The following ARFIP1 variants were observed in gnomAD, a reference collection of about 807,000 sequenced individuals.
ARFIP1 encodes arfaptin-1.
A neutral mutation model predicts 42.5 loss-of-function variants in ARFIP1; 24 were observed. The ratio of observed to expected loss-of-function variants is 0.57; its 90% CI spans 0.41 to 0.80. The LOEUF is 0.80. ARFIP1 is among the 30% of genes least tolerant of loss of function. The pLI, the probability that ARFIP1 is intolerant of heterozygous loss-of-function variation, is 0.00. For synonymous variants in ARFIP1, 141 were observed against 153.7 expected, an observed-to-expected ratio of 0.92 and a Z score of 0.61; for missense variants, 354 against 434.0, an observed-to-expected ratio of 0.82 and a Z score of 1.64.
intron 1 of ARFIP1, among the ~76,000 whole-genome samples, chr4:152,792,811 A>G (rs960638880): frequency 6.6e-6 from 1 of 152,206 alleles, no homozygotes; most frequent in Non-Finnish European, 1.5e-5. Flanking sequence ...CAGTATGTAT[A>G]TATAAAAATG....
At chr4:152,806,785 T>G (rs1729022053) in intron 1 of ARFIP1, among the ~76,000 whole-genome samples, 3 of 95,086 alleles carry the variant, frequency 3.2e-5, no homozygotes, top group South Asian at 4.2e-4. Flanking sequence ...TAGTATGTAT[T>G]CTTTTTGTGC....
intron 8 of ARFIP1, among the ~76,000 whole-genome samples, chr4:152,900,792 A>G (rs1737761654): frequency 6.6e-6 from 1 of 152,228 alleles, no homozygotes; most frequent in Non-Finnish European, 1.5e-5. Flanking sequence ...GATACCTTAC[A>G]TGTTAGCGGT....
At chr4:152,795,593 G>T (rs1372985125) in intron 1 of ARFIP1, among the ~76,000 whole-genome samples, 1 of 152,050 alleles carries the variant, frequency 6.6e-6, no homozygotes, top group Non-Finnish European at 1.5e-5. Context: ...ATGTCATTTT[G>T]TTACACATTA....
chr4:152,787,538 A>G (rs1730881456), intron 1 of ARFIP1, among the ~76,000 whole-genome samples: 1 of 152,262 alleles, frequency 6.6e-6, no homozygotes, highest in South Asian at 2.1e-4. Flanking sequence ...GTGTATGTGT[A>G]AGAAATGATT....
intron 1 of ARFIP1, among the ~76,000 whole-genome samples, chr4:152,788,007 C>T (rs181040954): frequency 1.3e-5 from 2 of 152,186 alleles, no homozygotes; most frequent in Non-Finnish European, 2.9e-5. Context: ...GGGTGGATCA[C>T]TTGAGGTTGG....
rs185168118 is a variant in ARFIP1, at chr4:152,902,054, A to T, written c.967-8010A>T. On this transcript the variant is annotated intron_variant, in intron 8 of 8. Coordinates refer to ENST00000353617, the MANE Select transcript of ARFIP1 (RefSeq NM_001025595.3). ...GTCTATTGCCCATGAATAGAAGCAG[A>T]TTAAAATAGGTGAAAGGACATACTT... 4.6e-5 allele frequency among the ~76,000 whole-genome samples: 7 copies of T among 152,378 alleles called. No homozygotes were observed. The East Asian group carries it at 1.3e-3, about 29-fold the overall frequency.
intron 1 of ARFIP1, among the ~76,000 whole-genome samples, chr4:152,811,897 G>T (rs373878926): frequency 1.5e-5 from 1 of 67,474 alleles, no homozygotes; most frequent in Non-Finnish European, 4.3e-5. Context: ...TATAATTAAT[G>T]GTTAGTAAAT....
At chr4:152,787,961 C>CA (rs1232057265) in intron 1 of ARFIP1, among the ~76,000 whole-genome samples, 1 of 152,264 alleles carries the variant, frequency 6.6e-6, no homozygotes, top group African/African-American at 2.4e-5. Context: ...CACAGTGGCT[C>CA]ACGCCTGTAA....
chr4:152,867,605 A>G (rs577855815), intron 3 of ARFIP1, among the ~76,000 whole-genome samples: 1 of 152,240 alleles, frequency 6.6e-6, no homozygotes, highest in East Asian at 1.9e-4. Context: ...TTTTAATGAA[A>G]TTATTTAGCT....
intron 7 of ARFIP1, among the ~76,000 whole-genome samples, chr4:152,884,733 T>C (rs945947244): frequency 2.0e-5 from 3 of 152,074 alleles, no homozygotes; most frequent in Non-Finnish European, 2.9e-5. Flanking sequence ...TGCTCACTTG[T>C]AGTCAATTTC....
chr4:152,795,820 A>ATTTTTTTTTTTTTTTTTTTTTTTT lies in ARFIP1; in HGVS notation c.-10+15603_-10+15626dup, dbSNP rs56845391. Among the ~76,000 whole-genome samples the ATTTTTTTTTTTTTTTTTTTTTTTT allele has an allele frequency of 5.3e-4, 15 of 28,066 alleles. 1 individual carries two copies. Among genetic ancestry groups the ATTTTTTTTTTTTTTTTTTTTTTTT allele is most frequent in the Non-Finnish European group, 6.8e-4 (11 of 16,220 alleles). 18.4% of individuals were successfully genotyped at this position (28,066 alleles called of 152,430 possible). A position where few individuals can be genotyped will look rare whatever the true frequency, so the allele number is the denominator to read the frequency against. On this transcript the variant is annotated intron_variant, in intron 1 of 8. Transcript: ENST00000353617. ...CGATTGTTACTTGAGGGCCCTTGTA[A>ATTTTTTTTTTTTTTTTTTTTTTTT]TTTTTTTTTTTTTTTTTTTTTTTTT...
At chr4:152,901,787 A>G (rs776684171) in intron 8 of ARFIP1, among the ~76,000 whole-genome samples, 1 of 152,214 alleles carries the variant, frequency 6.6e-6, no homozygotes, top group Non-Finnish European at 1.5e-5. Context: ...AGATTATATA[A>G]AAGTTTAATG....
At chr4:152,836,360 A>G (rs1731650858) in intron 2 of ARFIP1, among the ~76,000 whole-genome samples, 1 of 152,202 alleles carries the variant, frequency 6.6e-6, no homozygotes, top group African/African-American at 2.4e-5. Context: ...CTTTCATAGT[A>G]TAAATGTAAA....
intron 2 of ARFIP1, among the ~76,000 whole-genome samples, chr4:152,851,047 A>T (rs543590405): frequency 6.6e-6 from 1 of 152,344 alleles, no homozygotes; most frequent in Non-Finnish European, 1.5e-5. Context: ...TTGTTTCTTT[A>T]AAAAATTTAT....
Position 152,806,382 on chromosome 4 carries a change from T to C in ARFIP1, c.-9-23243T>C, listed in dbSNP as rs544613997. On this transcript the variant is annotated intron_variant, in intron 1 of 8. Transcript: ENST00000353617. ...TCCTCTTTGTAGGTGGGCACTGTGATCAGGGTCACACACACCTCCCGCCAC... is the reference window on the plus strand; with the variant it reads ...TCCTCTTTGTAGGTGGGCACTGTGACCAGGGTCACACACACCTCCCGCCAC... Among the ~76,000 whole-genome samples, 5 of 152,274 alleles carry C rather than the reference T, an allele frequency of 3.3e-5. No homozygotes were observed. The South Asian group carries it at 1.0e-3, about 32-fold the overall frequency.
At chr4:152,817,187 G>GT (rs1214027844) in intron 1 of ARFIP1, among the ~76,000 whole-genome samples, 10 of 152,302 alleles carry the variant, frequency 6.6e-5, no homozygotes, top group African/African-American at 9.6e-5. Flanking sequence ...ATTATTTAGA[G>GT]AGCTGGATCT....
chr4:152,834,423 C>A (rs143017163), intron 2 of ARFIP1, among the ~76,000 whole-genome samples: 4 of 152,142 alleles, frequency 2.6e-5, no homozygotes, highest in Admixed American at 2.6e-4. Flanking sequence ...TATGAGTGTG[C>A]GAGACCAAAA....
intron 1 of ARFIP1, among the ~76,000 whole-genome samples, chr4:152,811,886 C>G (rs1729495648): frequency 1.4e-5 from 1 of 69,888 alleles, no homozygotes; most frequent in South Asian, 4.3e-4. Flanking sequence ...ATTTTCAGTA[C>G]TATAATTAAT....
At chr4:152,896,301 G>T (rs1737317409) in intron 8 of ARFIP1, among the ~76,000 whole-genome samples, 1 of 152,160 alleles carries the variant, frequency 6.6e-6, no homozygotes, top group African/African-American at 2.4e-5. Context: ...TAGGTACAAG[G>T]TTATTCATTG....
Sources: gnomAD v4.1 joint callset for allele counts (sites outside exome capture counted in the v4.1 genomes callset) on GRCh38, gnomAD v4.1.1 for gene constraint, MANE v1.5 for transcripts, NCBI Gene and HGNC (gene_info 2026-07-23, HGNC 2026-07-21) for gene names.